Variants in UNC5C observed in about 807,000 individuals in gnomAD.
UNC5C encodes the protein unc-5 netrin receptor C, also known as netrin receptor UNC5C.
In UNC5C, 47 loss-of-function variants were observed where a neutral mutation model predicts 99.8. The observed-to-expected ratio is 0.47, with a 90% confidence interval of 0.37 to 0.60. The LOEUF (loss-of-function observed/expected upper bound fraction) is 0.60, where lower values mean the gene tolerates loss of function less well. Among genes scored for constraint, UNC5C ranks in the 20% least tolerant of loss-of-function variants. The pLI is 0.00. For missense variants in UNC5C, 1,062 were observed against 1,165.9 expected (o/e 0.91, Z 1.30); for synonymous variants, 487 against 452.2 (o/e 1.08, Z -0.98).
chr4:95,171,067 C>A (rs1466414292), intron 14 of UNC5C, among the ~76,000 whole-genome samples: 2 of 152,138 alleles, frequency 1.3e-5, no homozygotes, highest in East Asian at 1.9e-4. Context: ...AGCACAAATG[C>A]AAAATCTGAA....
At chr4:95,392,549 C>G (rs950534759) in intron 1 of UNC5C, among the ~76,000 whole-genome samples, 2 of 151,972 alleles carry the variant, frequency 1.3e-5, no homozygotes, top group Non-Finnish European at 2.9e-5. Context: ...ACTCCTGCCT[C>G]AGCCTCTCAA....
At chr4:95,292,186 T>A (rs975201174) in intron 3 of UNC5C, among the ~76,000 whole-genome samples, 2 of 148,242 alleles carry the variant, frequency 1.3e-5, no homozygotes, top group Admixed American at 1.4e-4. Flanking sequence ...TGAGATTACA[T>A]ATATATATAC....
chr4:95,538,836 C>T (rs1722845122), intron 1 of UNC5C, among the ~76,000 whole-genome samples: 1 of 152,042 alleles, frequency 6.6e-6, no homozygotes, highest in African/African-American at 2.4e-5. Flanking sequence ...TCACTATATC[C>T]TGAATAAAAT....
chr4:95,339,273 A>G (rs1309550505), intron 1 of UNC5C, among the ~76,000 whole-genome samples: 2 of 152,034 alleles, frequency 1.3e-5, no homozygotes, highest in East Asian at 1.9e-4. Context: ...GATGTTCCCT[A>G]GTGCCCATCA....
intron 1 of UNC5C, among the ~76,000 whole-genome samples, chr4:95,349,396 A>G (rs565228513): frequency 4.2e-5 from 6 of 141,218 alleles, no homozygotes; most frequent in Non-Finnish European, 7.9e-5. Context: ...CCACACACAC[A>G]CACACACATT....
chr4:95,197,375 G>A (rs1737473916), intron 12 of UNC5C, among the ~76,000 whole-genome samples: 1 of 151,866 alleles, frequency 6.6e-6, no homozygotes, highest in Non-Finnish European at 1.5e-5. Context: ...CCAGCACATA[G>A]CAGTTACTAT....
chr4:95,312,196 A>C (rs1453562407), intron 2 of UNC5C, among the ~76,000 whole-genome samples: 2 of 152,180 alleles, frequency 1.3e-5, no homozygotes, highest in Non-Finnish European at 2.9e-5. Context: ...TATTTCATTC[A>C]TTATGATAGT....
At chr4:95,519,466 C>T (rs780656963) in intron 1 of UNC5C, among the ~76,000 whole-genome samples, 2 of 152,002 alleles carry the variant, frequency 1.3e-5, no homozygotes, top group Admixed American at 6.6e-5. Flanking sequence ...TGACCAACGG[C>T]CCAAAACACT....
chr4:95,302,716 T>C (rs1235256567), intron 2 of UNC5C, among the ~76,000 whole-genome samples: 2 of 152,212 alleles, frequency 1.3e-5, no homozygotes, highest in Non-Finnish European at 2.9e-5. Context: ...TGATTAAATA[T>C]ATTGTTTTGC....
At chr4:95,532,417 C>A (rs911978428) in intron 1 of UNC5C, among the ~76,000 whole-genome samples, 1 of 148,190 alleles carries the variant, frequency 6.7e-6, no homozygotes, top group African/African-American at 2.5e-5. Flanking sequence ...GTTATGTATG[C>A]ATCAACAAAA....
intron 4 of UNC5C, among the ~76,000 whole-genome samples, chr4:95,257,516 CG>C (rs1035779408): frequency 6.6e-6 from 1 of 152,006 alleles, no homozygotes; most frequent in Non-Finnish European, 1.5e-5. Context: ...TATGAGTTGA[CG>C]GTATGTGGAA....
At chr4:95,454,008 G>A (rs1443818264) in intron 1 of UNC5C, among the ~76,000 whole-genome samples, 1 of 152,074 alleles carries the variant, frequency 6.6e-6, no homozygotes, top group Admixed American at 6.6e-5. Context: ...GAAGGGAAGA[G>A]GGAGAAGTAT....
At chr4:95,300,655 C>T (rs1053209701) in intron 3 of UNC5C, among the ~76,000 whole-genome samples, 1 of 152,140 alleles carries the variant, frequency 6.6e-6, no homozygotes, top group African/African-American at 2.4e-5. Context: ...AGATTTTTTA[C>T]AAAATCAAAA....
At chr4:95,501,899 T>C (rs1001922913) in intron 1 of UNC5C, among the ~76,000 whole-genome samples, 3 of 152,186 alleles carry the variant, frequency 2.0e-5, no homozygotes, top group Admixed American at 2.0e-4. Context: ...TTCCTTCCTC[T>C]TATGTTGGAA....
intron 13 of UNC5C, among the ~76,000 whole-genome samples, chr4:95,183,424 T>G (rs145251298): frequency 2.0e-3 from 303 of 152,212 alleles, no homozygotes; most frequent in Non-Finnish European, 3.6e-3. Flanking sequence ...AAATAAAACT[T>G]GCACACACCA....
chr4:95,508,258 C>T (rs1343710906), intron 1 of UNC5C, among the ~76,000 whole-genome samples: 2 of 152,014 alleles, frequency 1.3e-5, no homozygotes, highest in Non-Finnish European at 2.9e-5. Flanking sequence ...ACATTTTGTT[C>T]CGTTATTCTC....
At chr4:95,435,150 T>C (rs775185130) in intron 1 of UNC5C, among the ~76,000 whole-genome samples, 1 of 152,052 alleles carries the variant, frequency 6.6e-6, no homozygotes, top group Non-Finnish European at 1.5e-5. Flanking sequence ...TTTTGAAATG[T>C]TGCATGATTA....
Position 95,365,679 on chromosome 4 carries a change from C to G in UNC5C, c.125-30048G>C, listed in dbSNP as rs151310532. Among the ~76,000 whole-genome samples the G allele has an allele frequency of 1.9e-3, 296 of 152,102 alleles. 1 individual carries two copies. The highest frequency in any genetic ancestry group is 6.9e-3 in the African/African-American group (287 of 41,530). On this transcript the variant is annotated intron_variant, in intron 1 of 15. Coordinates refer to ENST00000453304, the MANE Select transcript of UNC5C (RefSeq NM_003728.4). ...GATCTTTATCTTTTCAAATGCAGAT[C>G]AATTTCTAACATACATAGAGTTAAA...
chr4:95,469,596 C>T (rs897556597), intron 1 of UNC5C, among the ~76,000 whole-genome samples: 1 of 152,086 alleles, frequency 6.6e-6, no homozygotes, highest in African/African-American at 2.4e-5. Context: ...TTACAATCGT[C>T]CTTAAACTGT....
Sources: allele counts gnomAD v4.1 joint callset (sites outside exome capture counted in the v4.1 genomes callset), GRCh38; gene constraint gnomAD v4.1.1; transcripts MANE v1.5; gene names NCBI Gene and HGNC (gene_info 2026-07-23, HGNC 2026-07-21).